The following FRAS1 variants were observed in gnomAD, a reference collection of about 807,000 sequenced individuals.
FRAS1 encodes the protein Fraser extracellular matrix complex subunit 1, also known as extracellular matrix organizing protein FRAS1.
In FRAS1, 290 loss-of-function variants were observed where a neutral mutation model predicts 435.2. The ratio of observed to expected loss-of-function variants is 0.67; its 90% CI spans 0.61 to 0.73. The LOEUF (loss-of-function observed/expected upper bound fraction) is 0.73. Ranked by LOEUF, FRAS1 falls within the 30% of genes least tolerant of loss-of-function variation. The pLI, the probability that FRAS1 is intolerant of heterozygous loss-of-function variation, is 0.00. For synonymous variants in FRAS1, 1,800 were observed against 1,851.0 expected, an observed-to-expected ratio of 0.97 and a Z score of 0.71; for missense variants, 4,860 against 5,001.5, an observed-to-expected ratio of 0.97 and a Z score of 0.85.
At chr4:78,267,497 C>T in intron 9 of FRAS1, 65 bp downstream of exon 9, 1 of 1,462,738 alleles carries the variant, frequency 6.8e-7, no homozygotes, top group African/African-American at 1.4e-5. Flanking sequence ...GTGAGGGGTC[C>T]TGCCTGTTCT....
chr4:78,083,526 A>G (rs1016974463), intron 2 of FRAS1, among the ~76,000 whole-genome samples: 4 of 152,066 alleles, frequency 2.6e-5, no homozygotes, highest in Admixed American at 6.6e-5. Flanking sequence ...GACGCATGGA[A>G]ATAAAAAGCC....
rs1578096390 is a variant in FRAS1, at chr4:78,057,996, G to A, written c.-14G>A. ...TGAAGGCTGGGCTCCTCCATCGTGG[G>A]TGCCGAGGCGGCGATGGGTGTCCTC... is the stretch of plus-strand genomic sequence containing the variant. On this transcript the variant is annotated 5_prime_UTR_variant, in exon 1 of 74. The change creates a new upstream start codon in the 5' untranslated region. Coordinates refer to ENST00000512123, the MANE Select transcript of FRAS1 (RefSeq NM_025074.7). The surrounding 1 kb of genome is among the most constrained non-coding windows in gnomAD (Gnocchi z 4.2). The A allele has an allele frequency of 4.3e-6, 7 of 1,613,602 alleles. No individual in the cohort carries two copies. Among genetic ancestry groups the A allele is most frequent in the Non-Finnish European group, 5.9e-6 (7 of 1,179,570 alleles).
At chr4:78,360,171 G>T (rs1341449913) in intron 20 of FRAS1, among the ~76,000 whole-genome samples, 1 of 152,222 alleles carries the variant, frequency 6.6e-6, no homozygotes, top group Non-Finnish European at 1.5e-5. Context: ...ATGCTGAGAG[G>T]AGAGAGTTTT....
chr4:78,317,270 A>AG, intron 16 of FRAS1, 98 bp from the exon 17 acceptor site: 1 of 1,347,064 alleles, frequency 7.4e-7, no homozygotes, highest in Non-Finnish European at 1.1e-6. Flanking sequence ...TGACATCCAC[A>AG]GGGGACTAAG....
At chr4:78,236,684 T>C (rs938495827) in intron 2 of FRAS1, among the ~76,000 whole-genome samples, 3 of 152,124 alleles carry the variant, frequency 2.0e-5, no homozygotes, top group African/African-American at 4.8e-5. Flanking sequence ...TCAAAGTTAC[T>C]TCAAAATGGG....
chr4:78,534,282 A>G (rs1721815866), intron 70 of FRAS1, among the ~76,000 whole-genome samples, 167 bp from the exon 71 acceptor site: 1 of 152,220 alleles, frequency 6.6e-6, no homozygotes, highest in South Asian at 2.1e-4. Context: ...ATAACTACCA[A>G]ATAAAGTCCT....
chr4:78,375,979 A>G, intron 26 of FRAS1, 100 bp downstream of exon 26: 1 of 1,359,252 alleles, frequency 7.4e-7, no homozygotes, highest in Non-Finnish European at 1.0e-6. Flanking sequence ...TATAAAATGC[A>G]GCATTCCCAA....
chr4:78,372,868 T>C lies in FRAS1; in HGVS notation c.3010+10T>C. The C allele has an allele frequency of 6.2e-7, 1 of 1,611,868 alleles. No homozygotes were observed. The highest frequency in any genetic ancestry group is 2.2e-5 in the East Asian group (1 of 44,874). On this transcript the variant is annotated intron_variant, in intron 24 of 73. Coordinates refer to ENST00000512123, the MANE Select transcript of FRAS1 (RefSeq NM_025074.7). ...TCGGGCCTCTGCAAGAGTAAGTGTG[T>C]AGAGGCCCTGCTCTGTGCTCAGCCA...
chr4:78,339,943 T>A (rs778375336), intron 20 of FRAS1, among the ~76,000 whole-genome samples: 10 of 152,210 alleles, frequency 6.6e-5, no homozygotes, highest in Non-Finnish European at 1.3e-4. Flanking sequence ...CTGAATTATA[T>A]CCTTCATGAT....
intron 2 of FRAS1, among the ~76,000 whole-genome samples, chr4:78,127,403 G>C (rs1719419687): frequency 6.6e-6 from 1 of 152,168 alleles, no homozygotes; most frequent in Non-Finnish European, 1.5e-5. Flanking sequence ...GATTAGATTT[G>C]TGGGTTTATA....
At chr4:78,198,480 A>T (rs1240353368) in intron 2 of FRAS1, among the ~76,000 whole-genome samples, 1 of 152,224 alleles carries the variant, frequency 6.6e-6, no homozygotes, top group African/African-American at 2.4e-5. Flanking sequence ...CTGCTTTGAG[A>T]GGAACCTAAA....
intron 59 of FRAS1, among the ~76,000 whole-genome samples, chr4:78,493,062 A>G (rs968633024): frequency 2.6e-5 from 4 of 152,146 alleles, no homozygotes; most frequent in African/African-American, 7.2e-5. Context: ...AAAGCTCATC[A>G]TCACTGGTTG....
At chr4:78,495,920 G>T (rs75991454) in intron 59 of FRAS1, among the ~76,000 whole-genome samples, 3 of 152,054 alleles carry the variant, frequency 2.0e-5, no homozygotes, top group Admixed American at 2.0e-4. Context: ...ATTCTTCAGG[G>T]ACTTAAAATC....
chr4:78,170,667 G>A (rs1426771096), intron 2 of FRAS1, among the ~76,000 whole-genome samples: 6 of 152,066 alleles, frequency 3.9e-5, no homozygotes, highest in East Asian at 1.9e-4. Context: ...GGAAATGCCC[G>A]AATGCATTCA....
At chr4:78,513,694 G>A in intron 65 of FRAS1, 142 bp downstream of exon 65, 1 of 728,118 alleles carries the variant, frequency 1.4e-6, no homozygotes, top group South Asian at 1.8e-5. Context: ...TAGCACACAT[G>A]CAAATGCCAT....
chr4:78,508,998 AAC>A lies in FRAS1; in HGVS notation c.9773_9774del (p.Asn3258ThrfsTer75). ...TGACAACACACCATTCACCAGTGTC[AAC>A]CACATGGTAGGTCTGGGGGTCTGGG... is the stretch of plus-strand genomic sequence containing the variant. ...ITDNTPFTSV[N>X]HMVLDSIYFS... is the part of the protein sequence containing the mutation. On this transcript the variant is annotated frameshift_variant, in exon 63 of 74. Coordinates refer to ENST00000512123, the MANE Select transcript of FRAS1 (RefSeq NM_025074.7). LOFTEE classifies it high-confidence loss of function. 6.2e-7 allele frequency: 1 copy of A among 1,613,936 alleles called. No individual in the cohort carries two copies. The highest frequency in any genetic ancestry group is 8.5e-7 in the Non-Finnish European group (1 of 1,179,864).
intron 53 of FRAS1, 130 bp from the exon 54 acceptor site, chr4:78,475,308 A>G: frequency 1.1e-6 from 1 of 893,944 alleles, no homozygotes. Context: ...CTGGATTCTT[A>G]GAGGAACCAA....
intron 2 of FRAS1, among the ~76,000 whole-genome samples, chr4:78,119,508 C>T (rs1170798549): frequency 6.6e-6 from 1 of 152,074 alleles, no homozygotes; most frequent in African/African-American, 2.4e-5. Flanking sequence ...CTGTGAATGA[C>T]AGGATTTCAT....
At position 78,432,524 on chromosome 4, in the gene FRAS1, C is replaced by T. The variant is rs371329044; in HGVS notation, c.5137C>T (p.Leu1713=). ...VSLSEDRGPR[L]AAGSSLSITV... ...CCTGTCAGAAGACCGAGGGCCTCGA[C>T]TGGCTGCTGGCTCCTCTCTGAGCAT... Residue 1713 remains leucine, a synonymous_variant, in exon 38 of 74, where the codon CTG becomes TTG. Coordinates refer to ENST00000512123, the MANE Select transcript of FRAS1 (RefSeq NM_025074.7). 6.2e-7 allele frequency: 1 copy of T among 1,612,804 alleles called. No individual in the cohort carries two copies. The highest frequency in any genetic ancestry group is 8.5e-7 in the Non-Finnish European group (1 of 1,179,442).
Sources: gnomAD v4.1 joint callset for allele counts (sites outside exome capture counted in the v4.1 genomes callset) on GRCh38, gnomAD v4.1.1 for gene constraint, Gnocchi (gnomAD v3.1) non-coding constraint, MANE v1.5 for transcripts, NCBI Gene and HGNC (gene_info 2026-07-23, HGNC 2026-07-21) for gene names.